TBC1D32: variants seen among roughly 807,000 people sequenced by gnomAD.
TBC1D32 encodes the protein protein broad-minded.
TBC1D32 carries 151 observed loss-of-function variants against 170.3 expected under a neutral mutation model. That is an observed-to-expected ratio of 0.89 (90% CI 0.78 to 1.01). The LOEUF is 1.01. TBC1D32 is among the 50% of genes least tolerant of loss of function. TBC1D32 has a pLI of 0.00. For missense variants in TBC1D32, 1,464 were observed against 1,457.1 expected (o/e 1.00, Z -0.08); for synonymous variants, 498 against 488.0 (o/e 1.02, Z -0.27).
At chr6:121,239,219 T>C (rs879623058) in intron 19 of TBC1D32, 31 bp from the exon 20 acceptor site, 6 of 1,291,284 alleles carry the variant, frequency 4.6e-6, no homozygotes, top group Non-Finnish European at 6.7e-6. Context: ...AAGTCATTTA[T>C]AGCATAATAT....
intron 10 of TBC1D32, 82 bp downstream of exon 10, chr6:121,299,364 C>T: frequency 7.2e-7 from 1 of 1,380,156 alleles, no homozygotes; most frequent in Admixed American, 2.6e-5. Flanking sequence ...TATCACCACA[C>T]AACTTTGCAT....
chr6:121,222,452 T>C (rs953951585), intron 21 of TBC1D32, among the ~76,000 whole-genome samples: 12 of 152,166 alleles, frequency 7.9e-5, no homozygotes, highest in African/African-American at 2.9e-4. Context: ...ATGATAGAAG[T>C]ACCTATCTTT....
intron 22 of TBC1D32, among the ~76,000 whole-genome samples, chr6:121,200,608 G>C (rs1038440828): frequency 2.0e-5 from 3 of 151,514 alleles, no homozygotes; most frequent in South Asian, 2.1e-4. Flanking sequence ...TGGTAGACAC[G>C]AAAGTAGAAG....
At chr6:121,090,086 A>T (rs1034107759) in intron 31 of TBC1D32, among the ~76,000 whole-genome samples, 2 of 152,016 alleles carry the variant, frequency 1.3e-5, no homozygotes, top group African/African-American at 4.8e-5. Flanking sequence ...GCGCCCGCCA[A>T]CACAGCCAGC....
intron 1 of TBC1D32, among the ~76,000 whole-genome samples, chr6:121,324,362 G>C (rs1432177446): frequency 6.6e-6 from 1 of 151,702 alleles, no homozygotes; most frequent in Non-Finnish European, 1.5e-5. Flanking sequence ...TTTAATTATT[G>C]ATTGAATTTT....
At chr6:121,148,856 T>C (rs1429506855) in intron 24 of TBC1D32, among the ~76,000 whole-genome samples, 2 of 152,004 alleles carry the variant, frequency 1.3e-5, no homozygotes, top group Non-Finnish European at 2.9e-5. Flanking sequence ...TCAGGTGATC[T>C]GCCTGCCTCA....
At chr6:121,184,215 C>CTT (rs922760796) in intron 22 of TBC1D32, among the ~76,000 whole-genome samples, 1 of 151,892 alleles carries the variant, frequency 6.6e-6, no homozygotes, top group Non-Finnish European at 1.5e-5. Flanking sequence ...ATTGTCCTAG[C>CTT]AAGCCAGAGG....
rs115635629 is a variant in TBC1D32, at chr6:121,266,919, G to C, written c.1734-10634C>G. Among the ~76,000 whole-genome samples, 1,342 of 152,116 alleles carry C rather than the reference G, an allele frequency of 8.8e-3. 27 individuals are homozygous for C. Among genetic ancestry groups the C allele is most frequent in the African/African-American group, 0.031 (1,269 of 41,458 alleles). ...CACACCAGGGCCTGTCGGTGGGGAA[G>C]GGGCAAGGGGAGGGAGAGTGTCAGG... On this transcript the variant is annotated intron_variant, in intron 15 of 31. Transcript: ENST00000398212.
rs1256714457 is a variant in TBC1D32, at chr6:121,105,942, T to A, written c.3465+81A>T. On this transcript the variant is annotated intron_variant, in intron 30 of 31. Coordinates refer to ENST00000398212, the MANE Select transcript of TBC1D32 (RefSeq NM_152730.6). ...ACACTTTTATTAATTTAAAGGTATT[T>A]CCTTATTTGATGAGAACACAGTTTT... The A allele has an allele frequency of 2.2e-6, 3 of 1,347,030 alleles. No individual in the cohort carries two copies. The African/African-American group carries it at 4.4e-5, about 20-fold the overall frequency. 83.4% of individuals were successfully genotyped at this position (1,347,030 alleles called of 1,614,324 possible).
chr6:121,102,708 G>A lies in TBC1D32; in HGVS notation c.3465+3315C>T, dbSNP rs1030704816. On this transcript the variant is annotated intron_variant, in intron 30 of 31. Coordinates refer to ENST00000398212, the MANE Select transcript of TBC1D32 (RefSeq NM_152730.6). ...GGACTTCATGACTAAGACACCAAAA[G>A]CAATGGCAACAAAAGCCAAAATTGA... Among the ~76,000 whole-genome samples, 17 of 152,234 alleles carry A rather than the reference G, an allele frequency of 1.1e-4. 1 individual carries two copies. The highest frequency in any genetic ancestry group is 3.4e-3 in the Middle Eastern group (1 of 294).
rs75411362 is a variant in TBC1D32, at chr6:121,333,402, G to A, written c.155+874C>T. Among the ~76,000 whole-genome samples the A allele has an allele frequency of 6.1e-3, 934 of 152,234 alleles. 44 individuals carry two copies. The East Asian group carries it at 0.11, about 18-fold the overall frequency. On this transcript the variant is annotated intron_variant, in intron 1 of 31. Coordinates refer to ENST00000398212, the MANE Select transcript of TBC1D32 (RefSeq NM_152730.6). The stretch of plus-strand genomic sequence containing the variant: ...TTTTCCTACTGCTCCCACACGCAGA[G>A]CACTCTGACCCCCCTTCTCTGTCTC...
chr6:121,203,558 C>T (rs1314451787), intron 22 of TBC1D32, among the ~76,000 whole-genome samples: 6 of 151,402 alleles, frequency 4.0e-5, no homozygotes, highest in Non-Finnish European at 8.8e-5. Context: ...ACTATTAATA[C>T]TACTGTTTTT....
Position 121,223,269 on chromosome 6 carries a change from T to A in TBC1D32, c.2448A>T (p.Glu816Asp). The A allele has an allele frequency of 6.3e-7, 1 of 1,587,160 alleles. No individual in the cohort carries two copies. Among genetic ancestry groups the A allele is most frequent in the East Asian group, 2.3e-5 (1 of 43,124 alleles). ...ATGTTGGGACTTCACGAAGAGAATA[T>A]TCTGTTTTATTAGGAAGATCTTGAT... ...VRNQDLPNKTEYSLREVPTCV... is the reference protein window; with the variant it reads ...VRNQDLPNKTDYSLREVPTCV... The change falls in exon 21 of 32, where the codon GAA (glutamate) becomes GAT (aspartate). Residue 816 changes from glutamate (E) to aspartate (D), a missense_variant. By Grantham distance (45) the Glu-to-Asp change is conservative. Around this residue, in one of 3 missense-constraint regions of TBC1D32, gnomAD observed 1,363 missense variants for 1,338.1 expected, o/e 1.02. Coordinates refer to ENST00000398212, the MANE Select transcript of TBC1D32 (RefSeq NM_152730.6).
At chr6:121,312,509 C>T (rs1367644814) in intron 3 of TBC1D32, among the ~76,000 whole-genome samples, 1 of 152,040 alleles carries the variant, frequency 6.6e-6, no homozygotes, top group Admixed American at 6.6e-5. Flanking sequence ...GAAGCAGGAG[C>T]CTAGGAGAGC....
chr6:121,080,979 A>T (rs1215297998), intron 31 of TBC1D32, 89 bp from the exon 32 acceptor site: 10 of 1,481,430 alleles, frequency 6.8e-6, no homozygotes, highest in Non-Finnish European at 9.1e-7. Flanking sequence ...TATACCATTT[A>T]TTTTCAGCTA....
At chr6:121,181,478 G>A (rs1788502807) in intron 22 of TBC1D32, among the ~76,000 whole-genome samples, 1 of 151,966 alleles carries the variant, frequency 6.6e-6, no homozygotes, top group Non-Finnish European at 1.5e-5. Flanking sequence ...ATTTCCTGAG[G>A]CCTCTTCAAC....
rs781072638 is a variant in TBC1D32, at chr6:121,080,707, AT to A, written c.*63del. ...AATGTTGTTACAGACACAGAAAAACATCAAGCCCCCCTGCTGTGTTTAAAAA... is the reference window on the plus strand; with the variant it reads ...AATGTTGTTACAGACACAGAAAAACACAAGCCCCCCTGCTGTGTTTAAAAA... On this transcript the variant is annotated 3_prime_UTR_variant, in exon 32 of 32. Coordinates refer to ENST00000398212, the MANE Select transcript of TBC1D32 (RefSeq NM_152730.6). 4 of 1,532,098 alleles carry A rather than the reference AT, an allele frequency of 2.6e-6. No individual in the cohort carries two copies. Among genetic ancestry groups the A allele is most frequent in the Non-Finnish European group, 2.6e-6 (3 of 1,141,414 alleles). The allele number at this position is 1,532,098 out of a possible 1,614,324, so 94.9% of individuals were successfully genotyped here.
intron 15 of TBC1D32, among the ~76,000 whole-genome samples, chr6:121,269,885 A>G (rs1423334494): frequency 3.9e-5 from 6 of 152,188 alleles, no homozygotes; most frequent in African/African-American, 1.4e-4. Context: ...CAGGAAATGT[A>G]AAAGAACAGA....
At chr6:121,248,405 G>T (rs545342690) in intron 17 of TBC1D32, among the ~76,000 whole-genome samples, 164 of 151,652 alleles carry the variant, frequency 1.1e-3, no homozygotes, top group Non-Finnish European at 1.8e-3. Context: ...ACACCTCAAG[G>T]AATTAGAGAG....
Sources: allele counts gnomAD v4.1 joint callset (sites outside exome capture counted in the v4.1 genomes callset), GRCh38; gene constraint gnomAD v4.1.1; regional missense constraint gnomAD v4.1.1; transcripts MANE v1.5; gene names NCBI Gene and HGNC (gene_info 2026-07-23, HGNC 2026-07-21).